ARHGAP23: variants seen among roughly 807,000 people sequenced by gnomAD.
The protein encoded by ARHGAP23 is rho GTPase-activating protein 23.
Under a neutral mutation model 136.3 loss-of-function variants are expected in ARHGAP23, and 34 were observed. That is an observed-to-expected ratio of 0.25 (90% CI 0.19 to 0.33). The LOEUF (loss-of-function observed/expected upper bound fraction) is 0.33. ARHGAP23 is among the 10% of genes least tolerant of loss of function. The pLI, the probability that ARHGAP23 is intolerant of heterozygous loss-of-function variation, is 1.00. For synonymous variants in ARHGAP23, 832 were observed against 920.5 expected, an observed-to-expected ratio of 0.90 and a Z score of 1.74; for missense variants, 1,808 against 2,139.0, an observed-to-expected ratio of 0.85 and a Z score of 3.05.
chr17:38,493,026 G>T lies in ARHGAP23; in HGVS notation c.3276+1494G>T, dbSNP rs575506546. The stretch of plus-strand genomic sequence containing the variant: ...AAGGAGGCCAAAGCCCCAAGGGGGA[G>T]TCCCTGCTCTGGGCAGGGTGGAGAA... On this transcript the variant is annotated intron_variant, in intron 20 of 23. Transcript: ENST00000622683. Among the ~76,000 whole-genome samples, 6 of 152,326 alleles carry T rather than the reference G, an allele frequency of 3.9e-5. No homozygotes were observed. The South Asian group carries it at 6.2e-4, about 16-fold the overall frequency.
rs2144840212 is a variant in ARHGAP23 at position 38,511,836 on chromosome 17, C to CAGAA, written c.*865_*868dup. ...CTGTTCCTTCCACAGCCCAGGCACA[C>CAGAA]AGAAGCCCACCTTCTTCCCCTTAGG... is the stretch of plus-strand genomic sequence containing the variant. On this transcript the variant is annotated 3_prime_UTR_variant, in exon 24 of 24. Coordinates refer to ENST00000622683, the MANE Select transcript of ARHGAP23 (RefSeq NM_001199417.2). 6.6e-6 allele frequency: 1 copy of CAGAA among 152,340 alleles called. No homozygotes were observed. Among genetic ancestry groups the CAGAA allele is most frequent in the African/African-American group, 2.4e-5 (1 of 41,542 alleles). The allele number at this position is 152,340 out of a possible 1,614,324, so 9.4% of individuals were successfully genotyped here. A position where few individuals can be genotyped will look rare whatever the true frequency, so the allele number is the denominator to read the frequency against.
chr17:38,466,235 G>A lies in ARHGAP23; in HGVS notation c.552G>A (p.Glu184=). ...PYSGEARSIP[E]PPPICYPRKT... is the part of the protein sequence containing the mutation. Reference sequence around the variant, plus strand: ...CTGGAGAGGCCCGCAGCATCCCAGAGCCACCCCCGATCTGCTACCCCCGCA... The same window carrying A: ...CTGGAGAGGCCCGCAGCATCCCAGAACCACCCCCGATCTGCTACCCCCGCA... The change falls in exon 7 of 24, where the codon GAG becomes GAA. Residue 184 remains glutamate (E), a synonymous_variant. Coordinates refer to ENST00000622683, the MANE Select transcript of ARHGAP23 (RefSeq NM_001199417.2). The A allele has an allele frequency of 6.5e-7, 1 of 1,546,330 alleles. No individual in the cohort carries two copies. Among genetic ancestry groups the A allele is most frequent in the Non-Finnish European group, 8.7e-7 (1 of 1,144,644 alleles).
chr17:38,505,750 A>G (rs1005528967), intron 23 of ARHGAP23, among the ~76,000 whole-genome samples: 3 of 152,120 alleles, frequency 2.0e-5, no homozygotes, highest in Non-Finnish European at 4.4e-5. Flanking sequence ...CCAATATGGC[A>G]AAACCCCGTC....
upstream of ARHGAP23, among the ~76,000 whole-genome samples, chr17:38,425,291 C>T (rs1223064073): frequency 6.6e-6 from 1 of 152,210 alleles, no homozygotes; most frequent in Admixed American, 6.5e-5. Flanking sequence ...CTCCCTGGTT[C>T]GCCCTGAGCA....
intron 18 of ARHGAP23, 56 bp from the exon 19 acceptor site, chr17:38,490,406 G>A (rs2040250072): frequency 7.3e-7 from 1 of 1,360,984 alleles, no homozygotes; most frequent in African/African-American, 1.4e-5. Context: ...GTGATGACGG[G>A]GGACAGGGGC....
At position 38,510,761 on chromosome 17, in the gene ARHGAP23, G is replaced by A; in HGVS notation, c.4265G>A (p.Trp1422Ter). Reference sequence around the variant, plus strand: ...CTGACTGACCTCAACTTCAACGAGTGGAAGGAGCTGGGCGGAGGGGGCCCC... The same window carrying A: ...CTGACTGACCTCAACTTCAACGAGTAGAAGGAGCTGGGCGGAGGGGGCCCC... ...SPLTDLNFNE[W>*]KELGGGGPPE... is the part of the protein sequence containing the mutation. The change falls in exon 24 of 24, where the codon TGG becomes TAG. Residue 1422 changes from tryptophan to a stop codon, truncating the protein, a stop_gained. Transcript: ENST00000622683. LOFTEE classifies it high-confidence loss of function. This position sits in a 1 kb window ranked among gnomAD's most constrained non-coding sequence, Gnocchi z 4.6. The A allele has an allele frequency of 6.7e-7, 1 of 1,489,500 alleles. No homozygotes were observed. The highest frequency in any genetic ancestry group is 8.9e-7 in the Non-Finnish European group (1 of 1,122,424). The allele number at this position is 1,489,500 out of a possible 1,614,324, so 92.3% of individuals were successfully genotyped here. A position where few individuals can be genotyped will look rare whatever the true frequency, so the allele number is the denominator to read the frequency against.
chr17:38,504,984 T>C (rs1162125702), intron 23 of ARHGAP23, among the ~76,000 whole-genome samples: 5 of 29,214 alleles, frequency 1.7e-4, no homozygotes, highest in South Asian at 1.3e-3. Flanking sequence ...TCATCTTTTT[T>C]TTTTTTTTTT....
At chr17:38,419,924 A>C (rs2144452214) in intron 1 of ARHGAP23, among the ~76,000 whole-genome samples, 1 of 152,152 alleles carries the variant, frequency 6.6e-6, no homozygotes, top group East Asian at 1.9e-4. Context: ...CTCCTTTCCC[A>C]GTCACAGCAG....
chr17:38,466,853 C>G lies in ARHGAP23; in HGVS notation c.1170C>G (p.Pro390=). Residue 390 remains proline, a synonymous_variant, in exon 7 of 24, where the codon CCC becomes CCG. Coordinates refer to ENST00000622683, the MANE Select transcript of ARHGAP23 (RefSeq NM_001199417.2). ...CCCAGCGTTCGTCTGCCCGCACCCC[C>G]GCCTGCCCAACTCGGGACCTGCCAG... is the stretch of plus-strand genomic sequence containing the variant. ...WASQRSSART[P]ACPTRDLPGP... 2 of 1,549,198 alleles carry G rather than the reference C, an allele frequency of 1.3e-6. No homozygotes were observed.
rs1403386080 is a variant in ARHGAP23, at chr17:38,510,509, C to T, written c.4013C>T (p.Pro1338Leu). 5.3e-6 allele frequency: 6 copies of T among 1,137,250 alleles called. No individual in the cohort carries two copies. Among genetic ancestry groups the T allele is most frequent in the Non-Finnish European group, 6.5e-6 (6 of 929,278 alleles). 70.4% of individuals were successfully genotyped at this position (1,137,250 alleles called of 1,614,324 possible). Residue 1338 changes from proline (P) to leucine (L), a missense_variant, in exon 24 of 24, where the codon CCC becomes CTC. Coordinates refer to ENST00000622683, the MANE Select transcript of ARHGAP23 (RefSeq NM_001199417.2). The surrounding 1 kb of genome is among the most constrained non-coding windows in gnomAD (Gnocchi z 4.6). ...PDGEGAGRGG[P>L]RAPEPPGSAS... ...GGCGAGGGCGCGGGCCGGGGCGGTC[C>T]CCGCGCCCCGGAGCCGCCCGGCTCG...
intron 14 of ARHGAP23, among the ~76,000 whole-genome samples, chr17:38,480,975 AT>A (rs550978484): frequency 1.6e-4 from 24 of 151,314 alleles, no homozygotes; most frequent in South Asian, 1.3e-3. Flanking sequence ...CCTACAAAAT[AT>A]TTTTTTTATA....
chr17:38,435,765 A>C (rs1349612671), intron 1 of ARHGAP23, among the ~76,000 whole-genome samples: 3 of 151,970 alleles, frequency 2.0e-5, no homozygotes, highest in African/African-American at 7.3e-5. Flanking sequence ...TGCCCGGCTA[A>C]TTTTTTTGTA....
At chr17:38,446,698 G>A (rs2039043246) in intron 1 of ARHGAP23, among the ~76,000 whole-genome samples, 1 of 149,498 alleles carries the variant, frequency 6.7e-6, no homozygotes, top group Non-Finnish European at 1.5e-5. Context: ...TGCAACCTCC[G>A]CCTCCCTGGT....
At chr17:38,493,204 GT>G (rs201592798) in intron 20 of ARHGAP23, among the ~76,000 whole-genome samples, 2 of 67,628 alleles carry the variant, frequency 3.0e-5, no homozygotes, top group South Asian at 5.4e-4. Flanking sequence ...CTTTTTTTTT[GT>G]TTTTTTGTTT....
chr17:38,427,357 G>A (rs116253798), upstream of ARHGAP23, among the ~76,000 whole-genome samples: 1 of 152,066 alleles, frequency 6.6e-6, no homozygotes, highest in Non-Finnish European at 1.5e-5. Flanking sequence ...CCAGCTACCT[G>A]GGGAGGCTGA....
At chr17:38,492,805 G>T (rs1316868098) in intron 20 of ARHGAP23, among the ~76,000 whole-genome samples, 1 of 152,236 alleles carries the variant, frequency 6.6e-6, no homozygotes, top group Non-Finnish European at 1.5e-5. Context: ...GCCCTGCAGC[G>T]TCGGGGATCC....
intron 16 of ARHGAP23, among the ~76,000 whole-genome samples, chr17:38,485,094 T>C (rs561651536): frequency 7.9e-5 from 12 of 152,166 alleles, no homozygotes; most frequent in Non-Finnish European, 1.3e-4. Flanking sequence ...CGTTAGTTCT[T>C]GTACTCGACA....
intron 1 of ARHGAP23, among the ~76,000 whole-genome samples, chr17:38,436,173 T>C (rs2038793167): frequency 6.6e-6 from 1 of 151,976 alleles, no homozygotes; most frequent in Admixed American, 6.6e-5. Context: ...GGGGGGATGT[T>C]TGCAAGAGGA....
In ARHGAP23 at chr17:38,482,083, G is replaced by T; in HGVS notation, c.2691G>T (p.Lys897Asn). The T allele has an allele frequency of 1.3e-6, 2 of 1,550,048 alleles. No homozygotes were observed. Among genetic ancestry groups the T allele is most frequent in the Non-Finnish European group, 1.7e-6 (2 of 1,146,414 alleles). The stretch of plus-strand genomic sequence containing the variant: ...TCAACATCATCAAGAAAAATAAGAA[G>T]GCCGCTCCGAGGGCGTTTGGGGTCA... Reference protein sequence around the residue: ...WGINIIKKNKKAAPRAFGVRL... With the variant: ...WGINIIKKNKNAAPRAFGVRL... Residue 897 changes from lysine to asparagine, a missense_variant, in exon 15 of 24, where the codon AAG becomes AAT. Lys to Asn is a moderately conservative substitution (Grantham distance 94, BLOSUM62 0). Coordinates refer to ENST00000622683, the MANE Select transcript of ARHGAP23 (RefSeq NM_001199417.2).
Sources: gnomAD v4.1 joint callset for allele counts (sites outside exome capture counted in the v4.1 genomes callset) on GRCh38, gnomAD v4.1.1 for gene constraint, Gnocchi (gnomAD v3.1) non-coding constraint, MANE v1.5 for transcripts, NCBI Gene and HGNC (gene_info 2026-07-23, HGNC 2026-07-21) for gene names.